SIAH2: variants seen among roughly 807,000 people sequenced by gnomAD.
The protein encoded by SIAH2 is siah E3 ubiquitin protein ligase 2, also known as E3 ubiquitin-protein ligase SIAH2.
SIAH2 carries 4 observed loss-of-function variants against 20.4 expected under a neutral mutation model. The ratio of observed to expected loss-of-function variants is 0.20; its 90% CI spans 0.10 to 0.45. The LOEUF (loss-of-function observed/expected upper bound fraction) is 0.45, where lower values mean the gene tolerates loss of function less well. Among genes scored for constraint, SIAH2 ranks in the 20% least tolerant of loss-of-function variants. SIAH2 has a pLI of 0.99. For synonymous variants in SIAH2, 171 were observed against 192.5 expected (o/e 0.89, Z 0.93); for missense variants, 259 against 440.3 (o/e 0.59, Z 3.69).
Position 150,742,385 on chromosome 3 carries a change from T to C in SIAH2, c.731A>G (p.Gln244Arg). ...EKQEKYEGHQ[Q>R]FFAIVLLIGT... is the part of the protein sequence containing the mutation. ...AATGAGCAGGACGATGGCAAAAAACTGCTGGTGGCCTTCGTACTTCTCTTG... is the reference window on the plus strand; with the variant it reads ...AATGAGCAGGACGATGGCAAAAAACCGCTGGTGGCCTTCGTACTTCTCTTG... Residue 244 changes from glutamine to arginine, a missense_variant, in exon 2 of 2, where the codon CAG (glutamine) becomes CGG (arginine). Physicochemically the swap from Gln to Arg is conservative, Grantham distance 43. This residue lies in a region of SIAH2 where 160 missense variants were observed against 327.6 expected (regional missense o/e 0.49). Transcript: ENST00000312960. This position sits in a 1 kb window ranked among gnomAD's most constrained non-coding sequence, Gnocchi z 4.8. 1.2e-6 allele frequency: 2 copies of C among 1,614,198 alleles called. No homozygotes were observed. The highest frequency in any genetic ancestry group is 1.7e-6 in the Non-Finnish European group (2 of 1,180,034).
intron 1 of SIAH2, among the ~76,000 whole-genome samples, chr3:150,754,131 T>C (rs981114514): frequency 1.3e-5 from 2 of 152,294 alleles, no homozygotes; most frequent in East Asian, 1.9e-4. Context: ...GTGTAGACAA[T>C]AGGATTCCTC....
At chr3:150,757,772 G>C (rs1261220796) in intron 1 of SIAH2, among the ~76,000 whole-genome samples, 2 of 151,964 alleles carry the variant, frequency 1.3e-5, no homozygotes, top group Non-Finnish European at 2.9e-5. Context: ...CTTGAGCTCA[G>C]GAGTATCAAG....
chr3:150,748,980 T>G (rs1714289847), intron 1 of SIAH2, among the ~76,000 whole-genome samples: 1 of 152,158 alleles, frequency 6.6e-6, no homozygotes, highest in Non-Finnish European at 1.5e-5. Context: ...GCTATGATTA[T>G]ATAAGAAAAT....
chr3:150,756,476 A>G (rs1714487279), intron 1 of SIAH2, among the ~76,000 whole-genome samples: 2 of 152,238 alleles, frequency 1.3e-5, no homozygotes, highest in Admixed American at 1.3e-4. Flanking sequence ...TCATGTATAC[A>G]GTACTTTTTA....
rs763213203 is a variant in SIAH2 at position 150,762,864 on chromosome 3, A to G, written c.-15T>C. 1 of 1,195,044 alleles carries G rather than the reference A, an allele frequency of 8.4e-7. No homozygotes were observed. Among genetic ancestry groups the G allele is most frequent in the Non-Finnish European group, 1.1e-6 (1 of 951,180 alleles). 74.0% of individuals were successfully genotyped at this position (1,195,044 alleles called of 1,614,324 possible). On this transcript the variant is annotated 5_prime_UTR_variant, in exon 1 of 2. Coordinates refer to ENST00000312960, the MANE Select transcript of SIAH2 (RefSeq NM_005067.7). The surrounding 1 kb of genome is among the most constrained non-coding windows in gnomAD (Gnocchi z 6.6). ...GGGCGGCTCATCGCGCTCCGAACCA[A>G]CCATGGAACTGCGGGCGCCTGCCTG...
chr3:150,759,331 C>A (rs1714553754), intron 1 of SIAH2, among the ~76,000 whole-genome samples: 2 of 152,126 alleles, frequency 1.3e-5, no homozygotes, highest in African/African-American at 2.4e-5. Context: ...TGTGATGATA[C>A]CCCACAAAAT....
In SIAH2 at chr3:150,742,214, G is replaced by T. The variant is rs747706630; in HGVS notation, c.902C>A (p.Thr301Lys). The change falls in exon 2 of 2, where the codon ACA becomes AAA. Residue 301 changes from threonine (T) to lysine (K), a missense_variant. By Grantham distance (78) the Thr-to-Lys change is moderately conservative (BLOSUM62 -1). Coordinates refer to ENST00000312960, the MANE Select transcript of SIAH2 (RefSeq NM_005067.7). The surrounding 1 kb of genome is among the most constrained non-coding windows in gnomAD (Gnocchi z 4.8). ...ATCTGCAAAAAGATGTGCTATGGCT[G>T]TGTCGAAAACAAGGCAGTCGCTGTT... is the stretch of plus-strand genomic sequence containing the variant. ...IMNSDCLVFD[T>K]AIAHLFADNG... 1 of 1,614,056 alleles carries T rather than the reference G, an allele frequency of 6.2e-7. No individual in the cohort carries two copies. Among genetic ancestry groups the T allele is most frequent in the African/African-American group, 1.3e-5 (1 of 74,916 alleles).
chr3:150,762,661 C>A lies in SIAH2; in HGVS notation c.189G>T (p.Gly63=). ...AVISGPGGGG[G]AGPVSPQHHE... is the part of the protein sequence containing the mutation. Reference sequence around the variant, plus strand: ...GGTGCTGCGGGGACACCGGGCCGGCCCCGCCGCCGCCGCCGGGGCCCGAGA... The same window carrying A: ...GGTGCTGCGGGGACACCGGGCCGGCACCGCCGCCGCCGCCGGGGCCCGAGA... Residue 63 remains glycine (G), a synonymous_variant, in exon 1 of 2, where the codon GGG becomes GGT. Coordinates refer to ENST00000312960, the MANE Select transcript of SIAH2 (RefSeq NM_005067.7). The surrounding 1 kb of genome is among the most constrained non-coding windows in gnomAD (Gnocchi z 6.6). 2 of 1,473,296 alleles carry A rather than the reference C, an allele frequency of 1.4e-6. No individual in the cohort carries two copies. Among genetic ancestry groups the A allele is most frequent in the Non-Finnish European group, 1.8e-6 (2 of 1,112,356 alleles). The allele number at this position is 1,473,296 out of a possible 1,614,324, so 91.3% of individuals were successfully genotyped here. A position where few individuals can be genotyped will look rare whatever the true frequency, so the allele number is the denominator to read the frequency against.
At chr3:150,761,065 C>T (rs1209965173) in intron 1 of SIAH2, among the ~76,000 whole-genome samples, 3 of 152,202 alleles carry the variant, frequency 2.0e-5, no homozygotes, top group African/African-American at 7.2e-5. Context: ...CAAATTAAAG[C>T]ACTCATTTTA....
Position 150,762,310 on chromosome 3 carries a change from A to G in SIAH2, c.417+123T>C, listed in dbSNP as rs1576584939. 3.4e-6 allele frequency: 5 copies of G among 1,465,108 alleles called. No individual in the cohort carries two copies. Among genetic ancestry groups the G allele is most frequent in the Non-Finnish European group, 1.8e-6 (2 of 1,117,584 alleles). The allele number at this position is 1,465,108 out of a possible 1,614,324, so 90.8% of individuals were successfully genotyped here. On this transcript the variant is annotated intron_variant, in intron 1 of 1. Coordinates refer to ENST00000312960, the MANE Select transcript of SIAH2 (RefSeq NM_005067.7). This position sits in a 1 kb window ranked among gnomAD's most constrained non-coding sequence, Gnocchi z 6.6. ...GAGGGAGGGTGGACGAAGTGTAAAC[A>G]TTTTTTCTTTTTTTTTTTTAAATGA...
chr3:150,761,114 T>C (rs1420473016), intron 1 of SIAH2, among the ~76,000 whole-genome samples: 1 of 152,252 alleles, frequency 6.6e-6, no homozygotes, highest in African/African-American at 2.4e-5. Flanking sequence ...TGGTGGATTA[T>C]TTTTAATTTA....
At chr3:150,744,605 A>G (rs1338392161) in intron 1 of SIAH2, among the ~76,000 whole-genome samples, 1 of 152,164 alleles carries the variant, frequency 6.6e-6, no homozygotes, top group Non-Finnish European at 1.5e-5. Context: ...TGGGTGAGAC[A>G]TTTCTGTCCA....
intron 1 of SIAH2, among the ~76,000 whole-genome samples, chr3:150,756,432 G>A (rs1309477099): frequency 2.0e-5 from 3 of 152,198 alleles, no homozygotes; most frequent in Non-Finnish European, 4.4e-5. Flanking sequence ...AAAATCTGAT[G>A]CTTAAGACAT....
intron 1 of SIAH2, among the ~76,000 whole-genome samples, chr3:150,745,358 A>G (rs955647894): frequency 2.6e-5 from 4 of 151,812 alleles, no homozygotes; most frequent in Non-Finnish European, 4.4e-5. Context: ...TGTCACTTTC[A>G]TCAGGGGCTC....
chr3:150,757,026 C>T (rs1714498516), intron 1 of SIAH2, among the ~76,000 whole-genome samples: 1 of 152,138 alleles, frequency 6.6e-6, no homozygotes, highest in African/African-American at 2.4e-5. Flanking sequence ...AACCTTCCAA[C>T]CACCCCAATA....
At chr3:150,750,700 G>A (rs1173558122) in intron 1 of SIAH2, among the ~76,000 whole-genome samples, 4 of 152,142 alleles carry the variant, frequency 2.6e-5, no homozygotes, top group African/African-American at 9.7e-5. Flanking sequence ...TTAAAGATGT[G>A]AGCCACCATG....
In SIAH2 at chr3:150,742,803, GTTC is replaced by G. The variant is rs766834931; in HGVS notation, c.418-108_418-106del. ...CTCCATTTTCCTGGGCTTAAACTGT[GTTC>G]TTAACTACTTTTGCTCAAAGCAAGT... On this transcript the variant is annotated intron_variant, in intron 1 of 1. Transcript: ENST00000312960. The surrounding 1 kb of genome is among the most constrained non-coding windows in gnomAD (Gnocchi z 4.8). The G allele has an allele frequency of 1.4e-4, 124 of 896,400 alleles. No individual in the cohort carries two copies. The East Asian group carries it at 2.7e-3, about 19-fold the overall frequency. 55.5% of individuals were successfully genotyped at this position (896,400 alleles called of 1,614,324 possible).
In SIAH2 at chr3:150,762,870, G is replaced by C. The variant is rs2108128859; in HGVS notation, c.-21C>G. The C allele has an allele frequency of 1.7e-6, 2 of 1,188,980 alleles. No homozygotes were observed. The highest frequency in any genetic ancestry group is 3.7e-5 in the Admixed American group (1 of 26,882). The allele number at this position is 1,188,980 out of a possible 1,614,324, so 73.7% of individuals were successfully genotyped here. On this transcript the variant is annotated 5_prime_UTR_variant, in exon 1 of 2. Transcript: ENST00000312960. The surrounding 1 kb of genome is among the most constrained non-coding windows in gnomAD (Gnocchi z 6.6). ...CTCATCGCGCTCCGAACCAACCATG[G>C]AACTGCGGGCGCCTGCCTGCCGCGG...
chr3:150,747,256 TG>T (rs1317131647), intron 1 of SIAH2, among the ~76,000 whole-genome samples: 4 of 152,218 alleles, frequency 2.6e-5, no homozygotes. Context: ...TGCCACTCCC[TG>T]AGGAATAACG....
Sources: gnomAD v4.1 joint callset for allele counts (sites outside exome capture counted in the v4.1 genomes callset) on GRCh38, gnomAD v4.1.1 for gene constraint, gnomAD v4.1.1 regional missense constraint, Gnocchi (gnomAD v3.1) non-coding constraint, MANE v1.5 for transcripts, NCBI Gene and HGNC (gene_info 2026-07-23, HGNC 2026-07-21) for gene names.